TRAF2: variants seen among roughly 807,000 people sequenced by gnomAD.
TRAF2 encodes the protein TNF receptor-associated factor 2.
In TRAF2, 6 loss-of-function variants were observed where a neutral mutation model predicts 55.6. That is an observed-to-expected ratio of 0.11 (90% CI 0.06 to 0.21). The LOEUF is 0.21. TRAF2 is among the 10% of genes least tolerant of loss of function. The probability of loss-of-function intolerance (pLI) is 1.00; values close to 1 mark genes in which losing one functional copy is unlikely to be tolerated. For missense variants in TRAF2, 561 were observed against 684.5 expected (o/e 0.82, Z 2.01); for synonymous variants, 329 against 276.3 (o/e 1.19, Z -1.89).
rs1362696810 is a variant in TRAF2 at position 136,920,401 on chromosome 9, T to C, written c.846T>C (p.Phe282=). 6.2e-7 allele frequency: 1 copy of C among 1,614,020 alleles called. No individual in the cohort carries two copies. Among genetic ancestry groups the C allele is most frequent in the East Asian group, 2.2e-5 (1 of 44,898 alleles). ...CESLEKKTAT[F]ENIVCVLNRE... The stretch of plus-strand genomic sequence containing the variant: ...GCCTGGAGAAGAAGACGGCCACTTT[T>C]GAGAACATTGTCTGCGTCCTGAACC... The change falls in exon 8 of 11, where the codon TTT becomes TTC. Residue 282 remains phenylalanine, a synonymous_variant. Coordinates refer to ENST00000247668, the MANE Select transcript of TRAF2 (RefSeq NM_021138.4).
At chr9:136,890,043 C>T (rs111376292) in intron 1 of TRAF2, among the ~76,000 whole-genome samples, 1 of 134,404 alleles carries the variant, frequency 7.4e-6, no homozygotes, top group Non-Finnish European at 1.6e-5. Flanking sequence ...GTGAGTCCCC[C>T]CCGCACGCTC....
chr9:136,889,358 G>C (rs1370443509), intron 1 of TRAF2, among the ~76,000 whole-genome samples: 1 of 149,932 alleles, frequency 6.7e-6, no homozygotes, highest in Non-Finnish European at 1.5e-5. Context: ...ATCTCGGCTC[G>C]CTGCAACCTC....
At chr9:136,918,255 A>ATATATATATTTATT (rs1402432355) in intron 7 of TRAF2, among the ~76,000 whole-genome samples, 4 of 23,342 alleles carry the variant, frequency 1.7e-4, no homozygotes, top group African/African-American at 8.4e-4. Flanking sequence ...ATATATATAT[A>ATATATATATTTATT]TATTTATTTA....
chr9:136,898,346 G>A (rs190167142), intron 1 of TRAF2, among the ~76,000 whole-genome samples: 34 of 152,358 alleles, frequency 2.2e-4, no homozygotes, highest in Non-Finnish European at 3.4e-4. Context: ...AGGGCCTAGA[G>A]CCTTGAGAAC....
At chr9:136,890,832 T>C (rs1849566829) in intron 1 of TRAF2, among the ~76,000 whole-genome samples, 2 of 152,196 alleles carry the variant, frequency 1.3e-5, no homozygotes, top group South Asian at 4.1e-4. Flanking sequence ...ACAGGAATAA[T>C]GATCCCCGAC....
In TRAF2 at chr9:136,925,623, G is replaced by C. The variant is rs543917455; in HGVS notation, c.1288-60G>C. The C allele has an allele frequency of 2.5e-5, 39 of 1,565,790 alleles. No individual in the cohort carries two copies. The East Asian group carries it at 8.8e-4, about 35-fold the overall frequency. On this transcript the variant is annotated intron_variant, in intron 10 of 10. Transcript: ENST00000247668. Reference sequence around the variant, plus strand: ...TGGCCCTGCCAGTGTCCAGACCCTCGGGAGCCAGAGAGAGACGGCCCACAG... The same window carrying C: ...TGGCCCTGCCAGTGTCCAGACCCTCCGGAGCCAGAGAGAGACGGCCCACAG...
upstream of TRAF2, chr9:136,886,461 C>G (rs913159357): frequency 2.0e-6 from 2 of 1,005,964 alleles, no homozygotes; most frequent in Non-Finnish European, 1.2e-6. Context: ...CAGGCGCACG[C>G]GGCGGAGCGG....
At chr9:136,901,184 C>T (rs141539821) in intron 4 of TRAF2, among the ~76,000 whole-genome samples, 93 of 152,314 alleles carry the variant, frequency 6.1e-4, no homozygotes, top group Non-Finnish European at 5.6e-4. Context: ...TTGGAAACTT[C>T]ACCTGTAGTG....
intron 1 of TRAF2, among the ~76,000 whole-genome samples, chr9:136,894,592 A>C (rs1849644188): frequency 6.6e-6 from 1 of 151,964 alleles, no homozygotes; most frequent in African/African-American, 2.4e-5. Context: ...GATTGGGGGC[A>C]TCATGAGGAT....
At chr9:136,888,858 G>T (rs971082248) in intron 1 of TRAF2, among the ~76,000 whole-genome samples, 2 of 152,148 alleles carry the variant, frequency 1.3e-5, no homozygotes, top group Non-Finnish European at 2.9e-5. Flanking sequence ...CCAGCAACAA[G>T]GGTGCCAGAT....
At position 136,903,394 on chromosome 9, in the gene TRAF2, A is replaced by G. The variant is rs570671580; in HGVS notation, c.366+2874A>G. 1.2e-4 allele frequency among the ~76,000 whole-genome samples: 18 copies of G among 152,318 alleles called. No homozygotes were observed. The East Asian group carries it at 3.5e-3, about 29-fold the overall frequency. On this transcript the variant is annotated intron_variant, in intron 4 of 10. Coordinates refer to ENST00000247668, the MANE Select transcript of TRAF2 (RefSeq NM_021138.4). Reference sequence around the variant, plus strand: ...GGTGCGGGGAGACTTTCCAGAGAGGACATAGGCTGGCTGCACGAGCAGCGG... The same window carrying G: ...GGTGCGGGGAGACTTTCCAGAGAGGGCATAGGCTGGCTGCACGAGCAGCGG...
upstream of TRAF2, among the ~76,000 whole-genome samples, chr9:136,883,255 G>A (rs1202368773): frequency 4.6e-5 from 7 of 152,236 alleles, no homozygotes; most frequent in East Asian, 7.7e-4. Flanking sequence ...AGCAGCACTG[G>A]GGCAAGTACT....
intron 1 of TRAF2, among the ~76,000 whole-genome samples, chr9:136,895,677 C>T (rs1849664593): frequency 6.6e-6 from 1 of 152,016 alleles, no homozygotes; most frequent in South Asian, 2.1e-4. Flanking sequence ...CATGGTGAAA[C>T]CCCATCTGAA....
intron 4 of TRAF2, among the ~76,000 whole-genome samples, chr9:136,904,824 T>C (rs1369476174): frequency 6.6e-6 from 1 of 152,274 alleles, no homozygotes; most frequent in Admixed American, 6.5e-5. Context: ...GATGGTGGCT[T>C]GTTACACACT....
At chr9:136,903,721 A>G (rs947179916) in intron 4 of TRAF2, among the ~76,000 whole-genome samples, 2 of 152,020 alleles carry the variant, frequency 1.3e-5, no homozygotes, top group Non-Finnish European at 2.9e-5. Context: ...TCACTCTGTC[A>G]CCCAGACTGG....
rs1483189194 is a variant in TRAF2, at chr9:136,898,809, C to T, written c.69C>T (p.Leu23=). The change falls in exon 2 of 11, where the codon CTC becomes CTT. Residue 23 remains leucine (L), a synonymous_variant. Transcript: ENST00000247668. ...ELLQPGFSKT[L]LGTKLEAKYL... ...TACAGCCCGGCTTCTCCAAGACCCTCCTGGGGACCAAGCTGGAAGCCAAGT... is the reference window on the plus strand; with the variant it reads ...TACAGCCCGGCTTCTCCAAGACCCTTCTGGGGACCAAGCTGGAAGCCAAGT... 1.3e-5 allele frequency: 21 copies of T among 1,613,780 alleles called. No homozygotes were observed. The highest frequency in any genetic ancestry group is 1.8e-5 in the Non-Finnish European group (21 of 1,180,042).
chr9:136,920,287 G>A lies in TRAF2; in HGVS notation c.732G>A (p.Leu244=), dbSNP rs777994310. Residue 244 remains leucine, a synonymous_variant, in exon 8 of 11, where the codon CTG becomes CTA. Coordinates refer to ENST00000247668, the MANE Select transcript of TRAF2 (RefSeq NM_021138.4). ...EHEVQWLREH[L]AMLLSSVLEA... ...AGGTGCAGTGGCTGCGGGAGCACCTGGCCATGCTACTGAGCTCGGTGCTGG... is the reference window on the plus strand; with the variant it reads ...AGGTGCAGTGGCTGCGGGAGCACCTAGCCATGCTACTGAGCTCGGTGCTGG... 10 of 1,613,570 alleles carry A rather than the reference G, an allele frequency of 6.2e-6. No homozygotes were observed. In the African/African-American group the frequency reaches 1.3e-4, roughly 22 times the overall value.
intron 1 of TRAF2, 100 bp from the exon 2 acceptor site, chr9:136,898,613 C>G: frequency 6.6e-7 from 1 of 1,512,826 alleles, no homozygotes; most frequent in Non-Finnish European, 8.8e-7. Flanking sequence ...AGTGGGGACC[C>G]GGCCCCTCAC....
chr9:136,921,749 G>T (rs1850391152), intron 9 of TRAF2, among the ~76,000 whole-genome samples: 1 of 151,878 alleles, frequency 6.6e-6, no homozygotes, highest in Non-Finnish European at 1.5e-5. Flanking sequence ...TGCTCGTGGG[G>T]TCTCCCCTGG....
Sources: gnomAD v4.1 joint callset for allele counts (sites outside exome capture counted in the v4.1 genomes callset) on GRCh38, gnomAD v4.1.1 for gene constraint, MANE v1.5 for transcripts, NCBI Gene and HGNC (gene_info 2026-07-23, HGNC 2026-07-21) for gene names.